Variants in RAB12 observed in about 807,000 individuals in gnomAD.
RAB12 encodes the protein ras-related protein Rab-12.
In RAB12, 11 loss-of-function variants were observed where a neutral mutation model predicts 28.4. That is an observed-to-expected ratio of 0.39 (90% confidence interval 0.24 to 0.64). The LOEUF (loss-of-function observed/expected upper bound fraction) is 0.64. Among genes scored for constraint, RAB12 ranks in the 30% least tolerant of loss-of-function variants. The pLI, the probability that RAB12 is intolerant of heterozygous loss-of-function variation, is 0.50. For missense variants in RAB12, 276 were observed against 351.1 expected, an observed-to-expected ratio of 0.79 and a Z score of 1.71; for synonymous variants, 138 against 145.3, an observed-to-expected ratio of 0.95 and a Z score of 0.36.
At chr18:8,624,060 T>TG (rs2096011356) in intron 1 of RAB12, among the ~76,000 whole-genome samples, 2 of 152,268 alleles carry the variant, frequency 1.3e-5, no homozygotes, top group African/African-American at 2.4e-5. Flanking sequence ...CTCACAAACA[T>TG]GGGCACCTGC....
At chr18:8,612,632 G>A (rs768154043) in intron 1 of RAB12, among the ~76,000 whole-genome samples, 7 of 152,168 alleles carry the variant, frequency 4.6e-5, no homozygotes, top group African/African-American at 1.2e-4. Flanking sequence ...CTAATTCCTA[G>A]GCTAGGAGAG....
chr18:8,612,481 C>T (rs890139167), intron 1 of RAB12, among the ~76,000 whole-genome samples: 1 of 152,112 alleles, frequency 6.6e-6, no homozygotes, highest in African/African-American at 2.4e-5. Context: ...AGAGTCTCTT[C>T]CACAGTAGGA....
chr18:8,625,049 C>A, intron 2 of RAB12, 51 bp downstream of exon 2: 1 of 1,147,056 alleles, frequency 8.7e-7, no homozygotes, highest in Non-Finnish European at 1.3e-6. Context: ...TTTAACAGTC[C>A]ATGTACTTGT....
chr18:8,627,864 A>G (rs1314989026), intron 2 of RAB12, among the ~76,000 whole-genome samples: 1 of 152,188 alleles, frequency 6.6e-6, no homozygotes, highest in East Asian at 1.9e-4. Context: ...GGAATATTTC[A>G]TACCCTATAT....
intron 2 of RAB12, among the ~76,000 whole-genome samples, chr18:8,626,188 G>A (rs1003061970): frequency 6.6e-6 from 1 of 152,170 alleles, no homozygotes. Context: ...TGCTAGTCCC[G>A]CAGACTTTTT....
At chr18:8,616,224 A>G (rs889570486) in intron 1 of RAB12, among the ~76,000 whole-genome samples, 9 of 152,134 alleles carry the variant, frequency 5.9e-5, no homozygotes, top group Non-Finnish European at 4.4e-5. Context: ...GGAGGTAGCC[A>G]TAATAAGTGT....
intron 5 of RAB12, among the ~76,000 whole-genome samples, chr18:8,637,654 C>G (rs778653657): frequency 6.6e-6 from 1 of 152,098 alleles, no homozygotes; most frequent in Non-Finnish European, 1.5e-5. Context: ...GTGCTGACCC[C>G]CTAAACAGTC....
At chr18:8,615,361 C>T (rs901170755) in intron 1 of RAB12, among the ~76,000 whole-genome samples, 2 of 152,186 alleles carry the variant, frequency 1.3e-5, no homozygotes, top group Non-Finnish European at 2.9e-5. Flanking sequence ...GAATGAGCAT[C>T]TCATACTGGA....
chr18:8,636,470 C>A, intron 5 of RAB12, 113 bp downstream of exon 5: 1 of 669,002 alleles, frequency 1.5e-6, no homozygotes, highest in Non-Finnish European at 2.5e-6. Context: ...TAGTTGTGCT[C>A]AGGCGCAAGA....
rs1369007540 is a variant in RAB12 at position 8,609,601 on chromosome 18, G to A, written c.162G>A (p.Arg54=). ...GAHGPPGPLQ[R]AEAEPGADPP... ...ACGGGCCGCCGGGGCCGCTCCAGCG[G>A]GCGGAAGCCGAGCCCGGGGCCGACC... Residue 54 remains arginine (R), a synonymous_variant, in exon 1 of 6, where the codon CGG becomes CGA. Transcript: ENST00000649141. 3.5e-6 allele frequency: 1 copy of A among 285,684 alleles called. No homozygotes were observed. The highest frequency in any genetic ancestry group is 1.8e-4 in the East Asian group (1 of 5,608). 17.7% of individuals were successfully genotyped at this position (285,684 alleles called of 1,614,324 possible). A position where few individuals can be genotyped will look rare whatever the true frequency, so the allele number is the denominator to read the frequency against.
rs58671277 is a variant in RAB12, at chr18:8,630,921, C to T, written c.576-2268C>T. On this transcript the variant is annotated intron_variant, in intron 2 of 5. Transcript: ENST00000649141. ...TTGTTTTTTGAGATGGAGTCTTGCTCTCTGTCCCCTAGGCTGCAGTGCAGT... is the reference window on the plus strand; with the variant it reads ...TTGTTTTTTGAGATGGAGTCTTGCTTTCTGTCCCCTAGGCTGCAGTGCAGT... 2.9e-3 allele frequency among the ~76,000 whole-genome samples: 437 copies of T among 152,368 alleles called. 3 individuals are homozygous for T. Among genetic ancestry groups the T allele is most frequent in the African/African-American group, 0.01 (420 of 41,582 alleles).
chr18:8,628,771 A>G (rs2096014276), intron 2 of RAB12, among the ~76,000 whole-genome samples: 1 of 152,202 alleles, frequency 6.6e-6, no homozygotes, highest in African/African-American at 2.4e-5. Context: ...ATTGCCTTTT[A>G]CTATCCCTGT....
chr18:8,620,267 T>G (rs1439584691), intron 1 of RAB12, among the ~76,000 whole-genome samples: 1 of 151,656 alleles, frequency 6.6e-6, no homozygotes, highest in Admixed American at 6.6e-5. Context: ...TAAAATACTT[T>G]TAGAAAGACT....
intron 2 of RAB12, among the ~76,000 whole-genome samples, chr18:8,630,205 T>C (rs1189405035): frequency 6.6e-6 from 1 of 152,232 alleles, no homozygotes; most frequent in Non-Finnish European, 1.5e-5. Flanking sequence ...TTTGCTTTTG[T>C]ACATTTTAAG....
chr18:8,626,271 T>G (rs2096012604), intron 2 of RAB12, among the ~76,000 whole-genome samples: 1 of 152,242 alleles, frequency 6.6e-6, no homozygotes, highest in Non-Finnish European at 1.5e-5. Flanking sequence ...CTGTTTCTAA[T>G]TATAAGCTCT....
At chr18:8,632,127 T>G (rs377246979) in intron 2 of RAB12, among the ~76,000 whole-genome samples, 37 of 151,968 alleles carry the variant, frequency 2.4e-4, no homozygotes, top group African/African-American at 8.2e-4. Context: ...ACTAAAAATA[T>G]ATTAGCCAGG....
chr18:8,612,517 C>T (rs942629321), intron 1 of RAB12, among the ~76,000 whole-genome samples: 13 of 152,170 alleles, frequency 8.5e-5, no homozygotes, highest in African/African-American at 1.7e-4. Context: ...GTCAGGGCTG[C>T]TCGCGACAGC....
intron 2 of RAB12, among the ~76,000 whole-genome samples, chr18:8,627,442 G>A (rs1178298870): frequency 6.6e-6 from 1 of 152,168 alleles, no homozygotes; most frequent in Non-Finnish European, 1.5e-5. Flanking sequence ...AGCTGCAGGT[G>A]TCTGTTACAT....
intron 3 of RAB12, 89 bp downstream of exon 3, chr18:8,633,416 A>G: frequency 6.9e-7 from 1 of 1,452,358 alleles, no homozygotes; most frequent in Non-Finnish European, 9.5e-7. Flanking sequence ...ACATGTATTG[A>G]GCATGTTTTC....
Sources: allele counts gnomAD v4.1 joint callset (sites outside exome capture counted in the v4.1 genomes callset), GRCh38; gene constraint gnomAD v4.1.1; transcripts MANE v1.5; gene names NCBI Gene and HGNC (gene_info 2026-07-23, HGNC 2026-07-21).